PTPN14: variants seen among roughly 807,000 people sequenced by gnomAD.
PTPN14 encodes tyrosine-protein phosphatase non-receptor type 14.
In PTPN14, 53 loss-of-function variants were observed where a neutral mutation model predicts 126.8. The ratio of observed to expected loss-of-function variants is 0.42; its 90% CI spans 0.34 to 0.53. The LOEUF (loss-of-function observed/expected upper bound fraction) is 0.53. Among genes scored for constraint, PTPN14 ranks in the 20% least tolerant of loss-of-function variants. The pLI is 0.08. For missense variants in PTPN14, 1,257 were observed against 1,552.9 expected, an observed-to-expected ratio of 0.81 and a Z score of 3.20; for synonymous variants, 630 against 599.3, an observed-to-expected ratio of 1.05 and a Z score of -0.75.
At chr1:214,537,199 T>G (rs1655729639) in intron 1 of PTPN14, among the ~76,000 whole-genome samples, 1 of 152,244 alleles carries the variant, frequency 6.6e-6, no homozygotes, top group South Asian at 2.1e-4. Context: ...TCAATGGTTT[T>G]TACTATATTC....
In PTPN14 at chr1:214,464,767, AGC is replaced by A. The variant is rs755649540; in HGVS notation, c.35_36del (p.Arg12LeufsTer79). The A allele has an allele frequency of 6.2e-7, 1 of 1,614,290 alleles. No individual in the cohort carries two copies. Among genetic ancestry groups the A allele is most frequent in the Non-Finnish European group, 8.5e-7 (1 of 1,180,056 alleles). On this transcript the variant is annotated frameshift_variant, in exon 2 of 19. Coordinates refer to ENST00000366956, the MANE Select transcript of PTPN14 (RefSeq NM_005401.5). LOFTEE classifies it high-confidence loss of function. ...PFGLKLRRTR[R>X]YNVLSKNCFV... ...AAGCAGTTCTTGCTCAGGACGTTGT[AGC>A]GCCGTGTCCGGCGGAGCTTCAGACC...
Position 214,383,792 on chromosome 1 carries a change from TG to T in PTPN14, c.2062del (p.Gln688SerfsTer17). 1 of 1,612,960 alleles carries T rather than the reference TG, an allele frequency of 6.2e-7. No homozygotes were observed. ...EEGSGSHEVP[Q>X]LPQYHHKKTF... ...CTTCTTGTGGTGATACTGAGGGAGC[TG>T]GGGGACCTCGTGGCTGCCTGACCCC... is the stretch of plus-strand genomic sequence containing the variant. On this transcript the variant is annotated frameshift_variant, in exon 13 of 19. Coordinates refer to ENST00000366956, the MANE Select transcript of PTPN14 (RefSeq NM_005401.5). LOFTEE classifies it high-confidence loss of function. This position sits in a 1 kb window ranked among gnomAD's most constrained non-coding sequence, Gnocchi z 4.4.
At chr1:214,359,380 ATT>A (rs772097737) in intron 18 of PTPN14, among the ~76,000 whole-genome samples, 12 of 139,116 alleles carry the variant, frequency 8.6e-5, no homozygotes, top group Admixed American at 1.5e-4. Context: ...TGCCTGGCTA[ATT>A]TTTTTTTTTT....
At chr1:214,474,141 A>G (rs1326165172) in intron 1 of PTPN14, among the ~76,000 whole-genome samples, 1 of 152,220 alleles carries the variant, frequency 6.6e-6, no homozygotes, top group African/African-American at 2.4e-5. Flanking sequence ...TGTATGTGAA[A>G]TTGGAAAACA....
At chr1:214,425,775 G>C (rs1365299698) in intron 3 of PTPN14, among the ~76,000 whole-genome samples, 1 of 152,130 alleles carries the variant, frequency 6.6e-6, no homozygotes, top group Non-Finnish European at 1.5e-5. Context: ...CCTTCAAATA[G>C]TTATTAACAA....
At chr1:214,534,739 T>TAAATAAATAAATAAATAAATAAAA (rs1246810260) in intron 1 of PTPN14, among the ~76,000 whole-genome samples, 6 of 151,900 alleles carry the variant, frequency 3.9e-5, no homozygotes, top group Admixed American at 1.3e-4. Context: ...AATAAATAAA[T>TAAATAAATAAATAAATAAATAAAA]AAAAGACGGA....
In PTPN14 at chr1:214,402,924, C is replaced by T. The variant is rs765729691; in HGVS notation, c.540G>A (p.Glu180=). 1.1e-5 allele frequency: 18 copies of T among 1,613,892 alleles called. No individual in the cohort carries two copies. Among genetic ancestry groups the T allele is most frequent in the South Asian group, 2.2e-5 (2 of 91,070 alleles). Reference sequence around the variant, plus strand: ...CTTGGGCTACCTTCTGGGTCAGCTCCTCCAGAACAGCCTCTTCCAGGGCCA... The same window carrying T: ...CTTGGGCTACCTTCTGGGTCAGCTCTTCCAGAACAGCCTCTTCCAGGGCCA... ...MDLALEEAVL[E]ELTQKVAQEH... The change falls in exon 6 of 19, where the codon GAG becomes GAA. Residue 180 remains glutamate, a synonymous_variant. Transcript: ENST00000366956.
At chr1:214,490,231 T>C (rs1164991398) in intron 1 of PTPN14, among the ~76,000 whole-genome samples, 1 of 152,178 alleles carries the variant, frequency 6.6e-6, no homozygotes, top group East Asian at 1.9e-4. Flanking sequence ...TCCACAAAGT[T>C]ACAAGGGGGA....
At chr1:214,390,945 C>A in intron 11 of PTPN14, 43 bp downstream of exon 11, 2 of 1,406,514 alleles carry the variant, frequency 1.4e-6, no homozygotes, top group South Asian at 1.6e-5. Context: ...ACAAAGAATG[C>A]TCAACAGTCA....
At chr1:214,382,329 A>AT (rs1658493651) in intron 13 of PTPN14, among the ~76,000 whole-genome samples, 1 of 149,924 alleles carries the variant, frequency 6.7e-6, no homozygotes, top group Non-Finnish European at 1.5e-5. Flanking sequence ...TGTACAATAT[A>AT]TTTTTTTAAA....
rs952547524 is a variant in PTPN14 at position 214,478,062 on chromosome 1, C to T, written c.-154-13105G>A. 2.6e-5 allele frequency among the ~76,000 whole-genome samples: 4 copies of T among 152,306 alleles called. No homozygotes were observed. The East Asian group carries it at 7.7e-4, about 29-fold the overall frequency. On this transcript the variant is annotated intron_variant, in intron 1 of 18. Transcript: ENST00000366956. ...CCAACAAAGTTTTATATATTATTTG[C>T]ACCCCAAATCCCTTTGCACTATAAT...
intron 10 of PTPN14, among the ~76,000 whole-genome samples, chr1:214,392,109 C>G (rs1658767053): frequency 6.6e-6 from 1 of 152,052 alleles, no homozygotes; most frequent in African/African-American, 2.4e-5. Context: ...TATGCCAGTT[C>G]ACAGAACTCC....
intron 1 of PTPN14, among the ~76,000 whole-genome samples, chr1:214,497,996 G>A (rs540553095): frequency 7.2e-4 from 110 of 152,090 alleles, no homozygotes; most frequent in Non-Finnish European, 1.4e-3. Flanking sequence ...AGGGTTCTGG[G>A]TGATTTTTAT....
chr1:214,445,431 T>C (rs1347621344), intron 3 of PTPN14, among the ~76,000 whole-genome samples: 39 of 152,078 alleles, frequency 2.6e-4, no homozygotes, highest in Non-Finnish European at 4.4e-5. Context: ...GGCAGGCTAC[T>C]AAGATGTCCT....
At chr1:214,483,035 C>G in intron 1 of PTPN14, 1 of 1,576,062 alleles carries the variant, frequency 6.3e-7, no homozygotes. Context: ...TGCAAGAATA[C>G]TGTGAACCTT....
intron 10 of PTPN14, among the ~76,000 whole-genome samples, chr1:214,393,107 A>C (rs1658796233): frequency 6.6e-6 from 1 of 152,218 alleles, no homozygotes; most frequent in Admixed American, 6.5e-5. Flanking sequence ...AAGTGCCCTC[A>C]TCACACGCCT....
intron 1 of PTPN14, among the ~76,000 whole-genome samples, chr1:214,488,219 G>C (rs1463368406): frequency 2.0e-5 from 3 of 152,142 alleles, no homozygotes; most frequent in Non-Finnish European, 2.9e-5. Context: ...AGAAAAGTAA[G>C]TTAAATTTGT....
intron 1 of PTPN14, among the ~76,000 whole-genome samples, chr1:214,539,068 G>A (rs567221738): frequency 6.6e-6 from 1 of 152,232 alleles, no homozygotes; most frequent in Admixed American, 6.5e-5. Flanking sequence ...AAAAATTAAA[G>A]TTAGTTCTGG....
At chr1:214,461,147 G>GTC (rs10631085) in intron 2 of PTPN14, among the ~76,000 whole-genome samples, 139,662 of 152,068 alleles carry the variant, frequency 0.92, 64,251 homozygotes, top group African/African-American at 0.97. Context: ...TAAAAATAAA[G>GTC]TATTAAAAAT....
Sources: gnomAD v4.1 joint callset for allele counts (sites outside exome capture counted in the v4.1 genomes callset) on GRCh38, gnomAD v4.1.1 for gene constraint, Gnocchi (gnomAD v3.1) non-coding constraint, MANE v1.5 for transcripts, NCBI Gene and HGNC (gene_info 2026-07-23, HGNC 2026-07-21) for gene names.